DIMT1: variants seen among roughly 807,000 people sequenced by gnomAD.
DIMT1 encodes the protein DIM1 rRNA methyltransferase and ribosome maturation factor.
Under a neutral mutation model 43.2 loss-of-function variants are expected in DIMT1, and 36 were observed. The observed-to-expected ratio is 0.83, with a 90% CI of 0.64 to 1.10. DIMT1 has a LOEUF of 1.10. Ranked by LOEUF, DIMT1 falls within the 50% of genes least tolerant of loss-of-function variation. DIMT1 has a pLI of 0.00. For missense variants in DIMT1, 341 were observed against 385.3 expected (o/e 0.88, Z 0.96); for synonymous variants, 126 against 130.3 (o/e 0.97, Z 0.22).
intron 1 of DIMT1, 136 bp downstream of exon 1, chr5:62,403,558 C>T: frequency 9.1e-7 from 1 of 1,101,266 alleles, no homozygotes. Flanking sequence ...GAGTCGGGGA[C>T]CCACCCCTGC....
At chr5:62,390,163 G>A (rs545447755) in intron 11 of DIMT1, among the ~76,000 whole-genome samples, 2 of 152,214 alleles carry the variant, frequency 1.3e-5, no homozygotes, top group East Asian at 3.9e-4. Context: ...CTTTAAAAGT[G>A]AATTGGCTAA....
chr5:62,396,702 T>C (rs1488976122), intron 6 of DIMT1, among the ~76,000 whole-genome samples: 2 of 152,108 alleles, frequency 1.3e-5, no homozygotes, highest in Admixed American at 6.6e-5. Flanking sequence ...AAAACACTCT[T>C]GTAATAAGCA....
Position 62,403,712 on chromosome 5 carries a change from C to G in DIMT1, c.61G>C (p.Glu21Gln), listed in dbSNP as rs1349247974. Residue 21 changes from glutamate to glutamine, a missense_variant, in exon 1 of 12, where the codon GAG becomes CAG. Coordinates refer to ENST00000199320, the MANE Select transcript of DIMT1 (RefSeq NM_014473.4). ...RRRGRQEQRRELKSAGGLMFN... is the reference protein window; with the variant it reads ...RRRGRQEQRRQLKSAGGLMFN... ...TCCGCACCTCCAGCGCTCTTCAGCT[C>G]CCGGCGCTGCTCCTGCCGCCCGCGG... is the stretch of plus-strand genomic sequence containing the variant. 1.2e-6 allele frequency: 2 copies of G among 1,609,766 alleles called. No homozygotes were observed. The highest frequency in any genetic ancestry group is 1.7e-6 in the Non-Finnish European group (2 of 1,178,804).
Position 62,392,159 on chromosome 5 carries a change from T to A in DIMT1, c.792+12A>T. ...CAAATCAATGAAACTGCAGGAACATTTTCTAACTTACAATATTATGGACTG... is the reference window on the plus strand; with the variant it reads ...CAAATCAATGAAACTGCAGGAACATATTCTAACTTACAATATTATGGACTG... On this transcript the variant is annotated intron_variant, in intron 10 of 11. Transcript: ENST00000199320. 6.2e-7 allele frequency: 1 copy of A among 1,610,470 alleles called. No homozygotes were observed. The highest frequency in any genetic ancestry group is 8.5e-7 in the Non-Finnish European group (1 of 1,178,706).
intron 10 of DIMT1, 49 bp from the exon 11 acceptor site, chr5:62,391,031 T>A: frequency 1.4e-6 from 2 of 1,468,330 alleles, no homozygotes; most frequent in Non-Finnish European, 9.5e-7. Context: ...TTTAATGAGG[T>A]CACCTTGACT....
At chr5:62,401,495 C>CAA (rs563279122) in intron 3 of DIMT1, among the ~76,000 whole-genome samples, 94 of 60,348 alleles carry the variant, frequency 1.6e-3, no homozygotes, top group African/African-American at 3.6e-3. Flanking sequence ...ATTCCCTCTC[C>CAA]AAAAAAAAAA....
intron 7 of DIMT1, among the ~76,000 whole-genome samples, chr5:62,394,265 A>G (rs1203542851): frequency 1.3e-5 from 2 of 152,176 alleles, no homozygotes; most frequent in Non-Finnish European, 2.9e-5. Context: ...CAGGAGTTCA[A>G]GACCAACCTG....
In DIMT1 at chr5:62,403,279, G is replaced by C; in HGVS notation, c.147C>G (p.Ile49Met). 1.9e-6 allele frequency: 3 copies of C among 1,613,402 alleles called. No homozygotes were observed. ...LKNPLIINSIIDKAALRPTDV... is the reference protein window; with the variant it reads ...LKNPLIINSIMDKAALRPTDV... The stretch of plus-strand genomic sequence containing the variant: ...TTTCCTCTTCCACACCCACCTTATC[G>C]ATAATGCTGTTAATAATGAGAGGAT... Residue 49 changes from isoleucine (I) to methionine (M), a missense_variant, in exon 2 of 12, where the codon ATC becomes ATG. By Grantham distance (10) the Ile-to-Met change is conservative. Transcript: ENST00000199320.
In DIMT1 at chr5:62,388,299, A is replaced by C; in HGVS notation, c.*711T>G. The stretch of plus-strand genomic sequence containing the variant: ...ATAGTTATCTCCCTAAGAACCATAA[A>C]AAAAGATAATTTTATTGTTAATTTC... On this transcript the variant is annotated 3_prime_UTR_variant, in exon 12 of 12. Coordinates refer to ENST00000199320, the MANE Select transcript of DIMT1 (RefSeq NM_014473.4). 6.6e-6 allele frequency: 1 copy of C among 152,320 alleles called. No individual in the cohort carries two copies. Among genetic ancestry groups the C allele is most frequent in the East Asian group, 1.9e-4 (1 of 5,194 alleles). 9.4% of individuals were successfully genotyped at this position (152,320 alleles called of 1,614,324 possible). A position where few individuals can be genotyped will look rare whatever the true frequency, so the allele number is the denominator to read the frequency against.
chr5:62,396,167 G>A (rs1465461578), intron 6 of DIMT1, among the ~76,000 whole-genome samples: 1 of 50,318 alleles, frequency 2.0e-5, no homozygotes, highest in African/African-American at 1.2e-4. Flanking sequence ...ATTAACTGAA[G>A]AAAAAAGAGT....
At chr5:62,396,837 G>C (rs1373376449) in intron 6 of DIMT1, among the ~76,000 whole-genome samples, 4 of 152,086 alleles carry the variant, frequency 2.6e-5, no homozygotes, top group African/African-American at 9.7e-5. Flanking sequence ...GAGCCACTCC[G>C]TTTCTTGGTA....
chr5:62,403,539 C>T (rs1328140933), intron 1 of DIMT1, among the ~76,000 whole-genome samples, 155 bp downstream of exon 1: 6 of 152,228 alleles, frequency 3.9e-5, no homozygotes, highest in Non-Finnish European at 8.8e-5. Context: ...ACGCGCAGGG[C>T]CTGCGGCCGA....
intron 8 of DIMT1, 41 bp downstream of exon 8, chr5:62,393,914 T>A (rs202070474): frequency 1.1e-6 from 1 of 893,626 alleles, no homozygotes; most frequent in Admixed American, 3.2e-5. Context: ...CCGCCTGGAC[T>A]TTTTTTTCCT....
chr5:62,393,752 T>A (rs558739135), intron 8 of DIMT1, among the ~76,000 whole-genome samples: 1 of 152,248 alleles, frequency 6.6e-6, no homozygotes, highest in South Asian at 2.1e-4. Context: ...TTTTTTCTTT[T>A]TTTTTTTTGA....
At chr5:62,396,703 G>T (rs1209619318) in intron 6 of DIMT1, among the ~76,000 whole-genome samples, 8 of 152,088 alleles carry the variant, frequency 5.3e-5, no homozygotes, top group African/African-American at 1.9e-4. Flanking sequence ...AAACACTCTT[G>T]TAATAAGCAG....
In DIMT1 at chr5:62,388,099, C is replaced by G. The variant is rs1742124295; in HGVS notation, c.*911G>C. 6.6e-6 allele frequency: 1 copy of G among 152,000 alleles called. No individual in the cohort carries two copies. The highest frequency in any genetic ancestry group is 6.6e-5 in the Admixed American group (1 of 15,256). The allele number at this position is 152,000 out of a possible 1,614,324, so 9.4% of individuals were successfully genotyped here. A position where few individuals can be genotyped will look rare whatever the true frequency, so the allele number is the denominator to read the frequency against. Reference sequence around the variant, plus strand: ...TATGACATCTATTGAAATTCTCAGTCTGACAGTTTTAAAATAGCTTAAAAC... The same window carrying G: ...TATGACATCTATTGAAATTCTCAGTGTGACAGTTTTAAAATAGCTTAAAAC... On this transcript the variant is annotated 3_prime_UTR_variant, in exon 12 of 12. Transcript: ENST00000199320.
In DIMT1 at chr5:62,403,516, G is replaced by C. The variant is rs566803016; in HGVS notation, c.80-170C>G. 2.0e-5 allele frequency among the ~76,000 whole-genome samples: 3 copies of C among 152,364 alleles called. No homozygotes were observed. In the South Asian group the frequency reaches 6.2e-4, roughly 32 times the overall value. ...ATAAGTTCATCCTCCAGCTGGAAAG[G>C]AAGTCAGCGGCGACGCGCAGGGCCT... is the stretch of plus-strand genomic sequence containing the variant. On this transcript the variant is annotated intron_variant, in intron 1 of 11. Transcript: ENST00000199320.
chr5:62,392,297 T>C, intron 9 of DIMT1, 63 bp from the exon 10 acceptor site: 1 of 1,455,924 alleles, frequency 6.9e-7, no homozygotes, highest in South Asian at 1.2e-5. Flanking sequence ...TCTTACTTTT[T>C]TAAACTTTTT....
At chr5:62,395,481 CTG>C (rs1742452773) in intron 6 of DIMT1, among the ~76,000 whole-genome samples, 1 of 152,108 alleles carries the variant, frequency 6.6e-6, no homozygotes, top group Non-Finnish European at 1.5e-5. Flanking sequence ...CCACAAATGT[CTG>C]TATGTATATG....
Sources: allele counts gnomAD v4.1 joint callset (sites outside exome capture counted in the v4.1 genomes callset), GRCh38; gene constraint gnomAD v4.1.1; transcripts MANE v1.5; gene names NCBI Gene and HGNC (gene_info 2026-07-23, HGNC 2026-07-21).